Variants in CCNY observed in about 807,000 individuals in gnomAD.
CCNY encodes cyclin Y.
CCNY carries 19 observed loss-of-function variants against 42.8 expected under a neutral mutation model. The observed-to-expected ratio is 0.44, with a 90% confidence interval of 0.31 to 0.65. The LOEUF is 0.65. Ranked by LOEUF, CCNY falls within the 30% of genes least tolerant of loss-of-function variation. The pLI is 0.07. For synonymous variants in CCNY, 165 were observed against 162.7 expected, an observed-to-expected ratio of 1.01 and a Z score of -0.11; for missense variants, 370 against 437.3, an observed-to-expected ratio of 0.85 and a Z score of 1.37.
At chr10:35,399,177 C>T (rs758726203) in intron 1 of CCNY, among the ~76,000 whole-genome samples, 3 of 152,136 alleles carry the variant, frequency 2.0e-5, no homozygotes, top group Non-Finnish European at 2.9e-5. Flanking sequence ...GTGTGCTTGA[C>T]GGTAAGACAA....
At chr10:35,345,046 G>A (rs1836269942) in intron 1 of CCNY, among the ~76,000 whole-genome samples, 1 of 152,202 alleles carries the variant, frequency 6.6e-6, no homozygotes, top group East Asian at 1.9e-4. Context: ...GCATGTGCAT[G>A]TGTCTTTATA....
intron 7 of CCNY, among the ~76,000 whole-genome samples, chr10:35,544,357 TTCC>T: frequency 6.6e-6 from 1 of 152,222 alleles, no homozygotes; most frequent in Non-Finnish European, 1.5e-5. Context: ...CATCATTGTG[TTCC>T]AGTTACCAAC....
chr10:35,519,926 C>T (rs1371902949), intron 4 of CCNY, among the ~76,000 whole-genome samples: 3 of 151,834 alleles, frequency 2.0e-5, no homozygotes, highest in Non-Finnish European at 4.4e-5. Context: ...TACAGGTACA[C>T]ACTACCATGG....
chr10:35,480,448 C>T (rs1372674106), intron 1 of CCNY, among the ~76,000 whole-genome samples: 1 of 152,114 alleles, frequency 6.6e-6, no homozygotes, highest in Admixed American at 6.5e-5. Context: ...GGTGCCATCG[C>T]TCAGGAGTGC....
chr10:35,300,187 C>T (rs879575185), intron 3 of CCNY, among the ~76,000 whole-genome samples: 2 of 152,188 alleles, frequency 1.3e-5, no homozygotes, highest in African/African-American at 2.4e-5. Flanking sequence ...ATGTGGATTT[C>T]GAGCTCTTGC....
At chr10:35,406,884 G>T (rs762106151) in intron 1 of CCNY, among the ~76,000 whole-genome samples, 1 of 151,828 alleles carries the variant, frequency 6.6e-6, no homozygotes, top group Admixed American at 6.6e-5. Flanking sequence ...CTCCGTCCCC[G>T]TCGGGGCGGC....
chr10:35,384,460 TTA>T (rs1837259772), intron 1 of CCNY, among the ~76,000 whole-genome samples: 1 of 152,212 alleles, frequency 6.6e-6, no homozygotes, highest in Admixed American at 6.5e-5. Flanking sequence ...GTGGAGATAC[TTA>T]ACGTTTTATC....
intron 3 of CCNY, among the ~76,000 whole-genome samples, chr10:35,258,358 A>G (rs1203424150): frequency 6.6e-6 from 1 of 152,020 alleles, no homozygotes; most frequent in Non-Finnish European, 1.5e-5. Flanking sequence ...AGTACTTCCT[A>G]ATTTTCCCTG....
At chr10:35,484,627 A>G (rs1295347399) in intron 2 of CCNY, among the ~76,000 whole-genome samples, 2 of 151,530 alleles carry the variant, frequency 1.3e-5, no homozygotes, top group East Asian at 1.9e-4. Flanking sequence ...AGCCATTGGG[A>G]GGGGTGGGAT....
chr10:35,412,860 C>CAAAAAAAAAAAAA lies in CCNY; in HGVS notation c.155-70528_155-70516dup, dbSNP rs10558250. ...TGGGCGACAGAGCGAGACTCTGTCT[C>CAAAAAAAAAAAAA]AAAAAAAAAAAAAAAAAAAAAAAAA... On this transcript the variant is annotated intron_variant, in intron 1 of 9. Coordinates refer to ENST00000374704, the MANE Select transcript of CCNY (RefSeq NM_145012.6). Among the ~76,000 whole-genome samples, 18 of 34,764 alleles carry CAAAAAAAAAAAAA rather than the reference C, an allele frequency of 5.2e-4. 1 individual carries two copies. Among genetic ancestry groups the CAAAAAAAAAAAAA allele is most frequent in the African/African-American group, 1.1e-3 (11 of 9,894 alleles). The allele number at this position is 34,764 out of a possible 152,430, so 22.8% of individuals were successfully genotyped here.
At chr10:35,460,374 A>G (rs1217092920) in intron 1 of CCNY, among the ~76,000 whole-genome samples, 1 of 152,306 alleles carries the variant, frequency 6.6e-6, no homozygotes, top group African/African-American at 2.4e-5. Context: ...AAGAAGCATC[A>G]CTTCATTCAT....
intron 3 of CCNY, among the ~76,000 whole-genome samples, chr10:35,502,381 A>C (rs978769151): frequency 2.0e-5 from 3 of 152,234 alleles, no homozygotes; most frequent in African/African-American, 7.2e-5. Context: ...GACTGTCTGC[A>C]TCTGTGTATT....
At chr10:35,266,936 T>C (rs1210923069) in intron 3 of CCNY, among the ~76,000 whole-genome samples, 7 of 139,138 alleles carry the variant, frequency 5.0e-5, no homozygotes, top group Non-Finnish European at 9.4e-5. Context: ...ATACAAACAT[T>C]AGCTGTGTGG....
In CCNY at chr10:35,354,199, T is replaced by A. The variant is rs556173425; in HGVS notation, c.154+16992T>A. On this transcript the variant is annotated intron_variant, in intron 1 of 9. Transcript: ENST00000374704. ...CATACATAGTCTTTTTTTTTTTTTT[T>A]TTTTGGGATGACATCTCACTCTGTC... 9.9e-5 allele frequency among the ~76,000 whole-genome samples: 15 copies of A among 151,548 alleles called. No individual in the cohort carries two copies. The East Asian group carries it at 2.5e-3, about 25-fold the overall frequency.
At chr10:35,423,864 C>T (rs1838211459) in intron 1 of CCNY, among the ~76,000 whole-genome samples, 1 of 152,158 alleles carries the variant, frequency 6.6e-6, no homozygotes, top group African/African-American at 2.4e-5. Context: ...TACTTTTCAC[C>T]TAATAGAAAT....
intron 1 of CCNY, among the ~76,000 whole-genome samples, chr10:35,460,692 C>T (rs1446579887): frequency 6.6e-6 from 1 of 152,206 alleles, no homozygotes; most frequent in Admixed American, 6.5e-5. Context: ...AATGTGTTAT[C>T]TATTCTGTTG....
chr10:35,466,141 G>A (rs1839265497), intron 1 of CCNY, among the ~76,000 whole-genome samples: 1 of 151,996 alleles, frequency 6.6e-6, no homozygotes, highest in South Asian at 2.1e-4. Flanking sequence ...GGTATGGGGG[G>A]CACACATTCA....
intron 4 of CCNY, among the ~76,000 whole-genome samples, chr10:35,524,569 T>C (rs1021046874): frequency 1.5e-4 from 23 of 152,188 alleles, no homozygotes; most frequent in Non-Finnish European, 2.6e-4. Flanking sequence ...CCTGAGAGGA[T>C]CAGAACACCG....
At chr10:35,426,481 G>T (rs1838276642) in intron 1 of CCNY, among the ~76,000 whole-genome samples, 1 of 152,218 alleles carries the variant, frequency 6.6e-6, no homozygotes, top group African/African-American at 2.4e-5. Context: ...AGTAGCCACT[G>T]CATTGCATCA....
Sources: allele counts gnomAD v4.1 joint callset (sites outside exome capture counted in the v4.1 genomes callset), GRCh38; gene constraint gnomAD v4.1.1; transcripts MANE v1.5; gene names NCBI Gene and HGNC (gene_info 2026-07-23, HGNC 2026-07-21).